Variants in AGPAT4 observed in about 807,000 individuals in gnomAD.
AGPAT4 encodes the protein 1-acylglycerol-3-phosphate O-acyltransferase 4.
AGPAT4 carries 15 observed loss-of-function variants against 48.0 expected under a neutral mutation model. The ratio of observed to expected loss-of-function variants is 0.31; its 90% CI spans 0.21 to 0.48. The LOEUF (loss-of-function observed/expected upper bound fraction) is 0.48, where lower values mean the gene tolerates loss of function less well. Ranked by LOEUF, AGPAT4 falls within the 20% of genes least tolerant of loss-of-function variation. The probability of loss-of-function intolerance (pLI) is 0.99; values close to 1 mark genes in which losing one functional copy is unlikely to be tolerated. For synonymous variants in AGPAT4, 178 were observed against 198.7 expected (o/e 0.90, Z 0.88); for missense variants, 314 against 482.5 (o/e 0.65, Z 3.27).
chr6:161,173,588 G>A (rs1322482468), intron 2 of AGPAT4, among the ~76,000 whole-genome samples: 1 of 152,174 alleles, frequency 6.6e-6, no homozygotes, highest in African/African-American at 2.4e-5. Context: ...CTCCCATTCT[G>A]TAGGTTGCCT....
Position 161,166,270 on chromosome 6 carries a change from G to T in AGPAT4, c.326C>A (p.Ser109Tyr). The T allele has an allele frequency of 6.2e-7, 1 of 1,614,136 alleles. No individual in the cohort carries two copies. Among genetic ancestry groups the T allele is most frequent in the Non-Finnish European group, 8.5e-7 (1 of 1,180,000 alleles). The change falls in exon 3 of 9, where the codon TCC (serine) becomes TAC (tyrosine). Residue 109 changes from serine to tyrosine, a missense_variant. Transcript: ENST00000320285. This position sits in a 1 kb window ranked among gnomAD's most constrained non-coding sequence, Gnocchi z 6.7. ...EIDFLCGWSL[S>Y]ERFGLLGGSK... ...TACCCCTAACAGCCCAAAGCGTTCGGACAGGCTCCAGCCACACAGAAAGTC... is the reference window on the plus strand; with the variant it reads ...TACCCCTAACAGCCCAAAGCGTTCGTACAGGCTCCAGCCACACAGAAAGTC...
Position 161,133,295 on chromosome 6 carries a change from C to G in AGPAT4, c.*3245G>C, listed in dbSNP as rs1778961820. On this transcript the variant is annotated 3_prime_UTR_variant, in exon 9 of 9. Coordinates refer to ENST00000320285, the MANE Select transcript of AGPAT4 (RefSeq NM_020133.3). Reference sequence around the variant, plus strand: ...ATTAATGACATTTAAATCACTGTCCCACATATGGATATATTAGAAAAACCC... The same window carrying G: ...ATTAATGACATTTAAATCACTGTCCGACATATGGATATATTAGAAAAACCC... The G allele has an allele frequency of 6.6e-6, 1 of 152,132 alleles. No individual in the cohort carries two copies. The highest frequency in any genetic ancestry group is 2.4e-5 in the African/African-American group (1 of 41,402). 9.4% of individuals were successfully genotyped at this position (152,132 alleles called of 1,614,324 possible).
rs879923397 is a variant in AGPAT4, at chr6:161,137,061, G to A, written c.1043-427C>T. On this transcript the variant is annotated intron_variant, in intron 8 of 8. Transcript: ENST00000320285. This position sits in a 1 kb window ranked among gnomAD's most constrained non-coding sequence, Gnocchi z 6.1. Reference sequence around the variant, plus strand: ...TGGAAGACGCAAGAGCTCGAGTATCGAGTGCCCAACACGTTTCAGCACTGC... The same window carrying A: ...TGGAAGACGCAAGAGCTCGAGTATCAAGTGCCCAACACGTTTCAGCACTGC... Among the ~76,000 whole-genome samples, 10 of 152,180 alleles carry A rather than the reference G, an allele frequency of 6.6e-5. No homozygotes were observed. The highest frequency in any genetic ancestry group is 1.3e-4 in the Non-Finnish European group (9 of 68,036).
rs1781701028 is a variant in AGPAT4 at position 161,217,979 on chromosome 6, T to A, written c.178+14057A>T. Among the ~76,000 whole-genome samples the A allele has an allele frequency of 6.6e-6, 1 of 152,264 alleles. No homozygotes were observed. Among genetic ancestry groups the A allele is most frequent in the Non-Finnish European group, 1.5e-5 (1 of 68,042 alleles). On this transcript the variant is annotated intron_variant, in intron 2 of 8. Transcript: ENST00000320285. This position sits in a 1 kb window ranked among gnomAD's most constrained non-coding sequence, Gnocchi z 4.9. ...CTTCCTCATCTCCCAACTCACCTTG[T>A]AGCGTAGAGCATGTTCTATGTGATG...
chr6:161,249,790 C>T lies in AGPAT4; in HGVS notation c.-89-17488G>A, dbSNP rs1782756621. On this transcript the variant is annotated intron_variant, in intron 1 of 8. Transcript: ENST00000320285. This position sits in a 1 kb window ranked among gnomAD's most constrained non-coding sequence, Gnocchi z 6.2. Reference sequence around the variant, plus strand: ...CCTAAAAACAGAAATATCATTCGACCCAGCAATCCCATTACTGGTTATACA... The same window carrying T: ...CCTAAAAACAGAAATATCATTCGACTCAGCAATCCCATTACTGGTTATACA... Among the ~76,000 whole-genome samples, 2 of 152,136 alleles carry T rather than the reference C, an allele frequency of 1.3e-5. No individual in the cohort carries two copies. Among genetic ancestry groups the T allele is most frequent in the Non-Finnish European group, 2.9e-5 (2 of 68,036 alleles).
chr6:161,161,130 TCAA>T lies in AGPAT4; in HGVS notation c.348+5115_348+5117del, dbSNP rs762505760. 1 of 456,638 alleles carries T rather than the reference TCAA, an allele frequency of 2.2e-6. No homozygotes were observed. Among genetic ancestry groups the T allele is most frequent in the South Asian group, 1.5e-5 (1 of 64,568 alleles). The allele number at this position is 456,638 out of a possible 1,614,324, so 28.3% of individuals were successfully genotyped here. On this transcript the variant is annotated intron_variant, in intron 3 of 8. Coordinates refer to ENST00000320285, the MANE Select transcript of AGPAT4 (RefSeq NM_020133.3). This position sits in a 1 kb window ranked among gnomAD's most constrained non-coding sequence, Gnocchi z 4.6. ...CAGAGGAGGAGGAAGCCCCAAGCTT[TCAA>T]CAACCCTGGCTTTATGAGCGGTGGG...
Position 161,259,157 on chromosome 6 carries a change from T to C in AGPAT4, c.-90+14781A>G, listed in dbSNP as rs559634685. Among the ~76,000 whole-genome samples the C allele has an allele frequency of 2.0e-5, 3 of 152,330 alleles. No homozygotes were observed. Among genetic ancestry groups the C allele is most frequent in the East Asian group, 1.9e-4 (1 of 5,184 alleles). On this transcript the variant is annotated intron_variant, in intron 1 of 8. Coordinates refer to ENST00000320285, the MANE Select transcript of AGPAT4 (RefSeq NM_020133.3). The surrounding 1 kb of genome is among the most constrained non-coding windows in gnomAD (Gnocchi z 4.9). The stretch of plus-strand genomic sequence containing the variant: ...CATATTTATGGTGTACAACATAATG[T>C]TATGATATACGTTTACACCGTGAAA...
At chr6:161,271,943 A>T (rs983481785) in intron 1 of AGPAT4, among the ~76,000 whole-genome samples, 2 of 152,216 alleles carry the variant, frequency 1.3e-5, no homozygotes, top group Admixed American at 6.5e-5. Context: ...CTTTGCAAAC[A>T]TCAGATGCTC....
Position 161,159,656 on chromosome 6 carries a change from T to G in AGPAT4, c.349-5346A>C, listed in dbSNP as rs1779865394. ...AAAGGTGAGAGACTCCATTCTCTTT[T>G]TTTTGAGACGAAGTTTCACTCTTGT... On this transcript the variant is annotated intron_variant, in intron 3 of 8. Coordinates refer to ENST00000320285, the MANE Select transcript of AGPAT4 (RefSeq NM_020133.3). The surrounding 1 kb of genome is among the most constrained non-coding windows in gnomAD (Gnocchi z 4.1). Among the ~76,000 whole-genome samples, 1 of 152,190 alleles carries G rather than the reference T, an allele frequency of 6.6e-6. No homozygotes were observed. The highest frequency in any genetic ancestry group is 2.4e-5 in the African/African-American group (1 of 41,452).
intron 1 of AGPAT4, among the ~76,000 whole-genome samples, chr6:161,252,042 G>A (rs545255504): frequency 8.5e-5 from 13 of 152,148 alleles, no homozygotes; most frequent in African/African-American, 1.2e-4. Flanking sequence ...CATGCTTAGC[G>A]TTCCAATAAT....
rs139828428 is a variant in AGPAT4 at position 161,142,020 on chromosome 6, G to C, written c.844-2400C>G. 3.7e-4 allele frequency among the ~76,000 whole-genome samples: 56 copies of C among 152,268 alleles called. No individual in the cohort carries two copies. The highest frequency in any genetic ancestry group is 1.3e-3 in the African/African-American group (54 of 41,568). Reference sequence around the variant, plus strand: ...TGGGATTACAGGCACCTGCCATCATGCCCAGCTAATTTTTGTAGAGATAGG... The same window carrying C: ...TGGGATTACAGGCACCTGCCATCATCCCCAGCTAATTTTTGTAGAGATAGG... On this transcript the variant is annotated intron_variant, in intron 7 of 8. Coordinates refer to ENST00000320285, the MANE Select transcript of AGPAT4 (RefSeq NM_020133.3). The surrounding 1 kb of genome is among the most constrained non-coding windows in gnomAD (Gnocchi z 6.4).
At chr6:161,257,280 G>C (rs577890627) in intron 1 of AGPAT4, among the ~76,000 whole-genome samples, 2 of 152,162 alleles carry the variant, frequency 1.3e-5, no homozygotes, top group African/African-American at 2.4e-5. Flanking sequence ...TGCATGCCAC[G>C]GGTGGATCTC....
rs937923768 is a variant in AGPAT4 at position 161,219,384 on chromosome 6, C to T, written c.178+12652G>A. Among the ~76,000 whole-genome samples the T allele has an allele frequency of 4.6e-5, 7 of 151,772 alleles. No homozygotes were observed. Among genetic ancestry groups the T allele is most frequent in the East Asian group, 1.9e-4 (1 of 5,182 alleles). ...TATGATAGAATATGATGGCATGATA[C>T]GAGATGAGATAAAAGGAACATAAAT... On this transcript the variant is annotated intron_variant, in intron 2 of 8. Coordinates refer to ENST00000320285, the MANE Select transcript of AGPAT4 (RefSeq NM_020133.3). The surrounding 1 kb of genome is among the most constrained non-coding windows in gnomAD (Gnocchi z 4.9).
rs6925637 is a variant in AGPAT4, at chr6:161,206,090, A to G, written c.178+25946T>C. ...CGATGTAGACAAAAAAAGCCCCAAG[A>G]AAAGCCTGCTCCCTCCAGCTAAAGG... On this transcript the variant is annotated intron_variant, in intron 2 of 8. Coordinates refer to ENST00000320285, the MANE Select transcript of AGPAT4 (RefSeq NM_020133.3). This position sits in a 1 kb window ranked among gnomAD's most constrained non-coding sequence, Gnocchi z 4.8. Among the ~76,000 whole-genome samples the G allele has an allele frequency of 0.31, 46,452 of 151,936 alleles. 7,261 individuals carry two copies. The highest frequency in any genetic ancestry group is 0.42 in the East Asian group (2,171 of 5,154).
rs1190232918 is a variant in AGPAT4 at position 161,233,409 on chromosome 6, A to T, written c.-89-1107T>A. ...CCCCAGGAAGACGTCTAATGTTACG[A>T]CAAACTTTCTAACAATAATAGTTGA... On this transcript the variant is annotated intron_variant, in intron 1 of 8. Transcript: ENST00000320285. This position sits in a 1 kb window ranked among gnomAD's most constrained non-coding sequence, Gnocchi z 5.4. 1.3e-5 allele frequency among the ~76,000 whole-genome samples: 2 copies of T among 152,228 alleles called. No homozygotes were observed. The highest frequency in any genetic ancestry group is 4.8e-5 in the African/African-American group (2 of 41,464).
chr6:161,131,901 C>T lies in AGPAT4; in HGVS notation c.*4639G>A, dbSNP rs1410089358. 2 of 152,180 alleles carry T rather than the reference C, an allele frequency of 1.3e-5. No homozygotes were observed. The highest frequency in any genetic ancestry group is 2.4e-5 in the African/African-American group (1 of 41,420). 9.4% of individuals were successfully genotyped at this position (152,180 alleles called of 1,614,324 possible). On this transcript the variant is annotated 3_prime_UTR_variant, in exon 9 of 9. Coordinates refer to ENST00000320285, the MANE Select transcript of AGPAT4 (RefSeq NM_020133.3). ...AAAGCCATTGTGACAGGTCAAAACC[C>T]TGGAGTATTTGGTTTGTGTTTAAAT... is the stretch of plus-strand genomic sequence containing the variant.
rs1490909097 is a variant in AGPAT4, at chr6:161,138,521, C to T, written c.1042+901G>A. The stretch of plus-strand genomic sequence containing the variant: ...ACCACGTGCATCAAATTGTCATTAA[C>T]GATTATCTGGGAAGTGGGCTCAATG... On this transcript the variant is annotated intron_variant, in intron 8 of 8. Coordinates refer to ENST00000320285, the MANE Select transcript of AGPAT4 (RefSeq NM_020133.3). This position sits in a 1 kb window ranked among gnomAD's most constrained non-coding sequence, Gnocchi z 4.8. Among the ~76,000 whole-genome samples the T allele has an allele frequency of 1.3e-5, 2 of 152,124 alleles. No individual in the cohort carries two copies. Among genetic ancestry groups the T allele is most frequent in the Admixed American group, 6.5e-5 (1 of 15,280 alleles).
chr6:161,139,509 G>A lies in AGPAT4; in HGVS notation c.955C>T (p.Leu319Phe), dbSNP rs1191940492. Residue 319 changes from leucine to phenylalanine, a missense_variant, in exon 8 of 9, where the codon CTC becomes TTC. Leu to Phe is a conservative substitution (Grantham distance 22). Coordinates refer to ENST00000320285, the MANE Select transcript of AGPAT4 (RefSeq NM_020133.3). This position sits in a 1 kb window ranked among gnomAD's most constrained non-coding sequence, Gnocchi z 9.1. ...ACCAGGAACTGGAAGAAAGGGTAGA[G>A]CACCAGCGAGGCCCAAAACAGCCAG... Reference protein sequence around the residue: ...VNWLFWASLVLYPFFQFLVSM... With the variant: ...VNWLFWASLVFYPFFQFLVSM... The A allele has an allele frequency of 1.4e-5, 23 of 1,613,970 alleles. No individual in the cohort carries two copies. The highest frequency in any genetic ancestry group is 1.9e-5 in the Non-Finnish European group (22 of 1,180,036).
rs143847482 is a variant in AGPAT4 at position 161,159,610 on chromosome 6, CGTGT to C, written c.349-5304_349-5301del. On this transcript the variant is annotated intron_variant, in intron 3 of 8. Transcript: ENST00000320285. This position sits in a 1 kb window ranked among gnomAD's most constrained non-coding sequence, Gnocchi z 4.1. ...ATGAATCAGTTTGTGTGCACGCGTG[CGTGT>C]GTGTGTGTGTTCATCAAAAGGTGAG... Among the ~76,000 whole-genome samples the C allele has an allele frequency of 6.6e-6, 1 of 151,726 alleles. No homozygotes were observed. Among genetic ancestry groups the C allele is most frequent in the African/African-American group, 2.4e-5 (1 of 41,354 alleles).
Sources: gnomAD v4.1 joint callset for allele counts (sites outside exome capture counted in the v4.1 genomes callset) on GRCh38, gnomAD v4.1.1 for gene constraint, Gnocchi (gnomAD v3.1) non-coding constraint, MANE v1.5 for transcripts, NCBI Gene and HGNC (gene_info 2026-07-23, HGNC 2026-07-21) for gene names.